The following TUBGCP4 variants were observed in gnomAD, a reference collection of about 807,000 sequenced individuals.
TUBGCP4 encodes gamma-tubulin complex component 4.
Under a neutral mutation model 91.6 loss-of-function variants are expected in TUBGCP4, and 54 were observed. The observed-to-expected ratio is 0.59, with a 90% CI of 0.47 to 0.74. The LOEUF is 0.74. Among genes scored for constraint, TUBGCP4 ranks in the 30% least tolerant of loss-of-function variants. TUBGCP4 has a pLI of 0.00. For synonymous variants in TUBGCP4, 297 were observed against 302.8 expected (o/e 0.98, Z 0.20); for missense variants, 593 against 800.9 (o/e 0.74, Z 3.13).
chr15:43,394,849 C>T (rs2044555060), intron 9 of TUBGCP4: 1 of 467,968 alleles, frequency 2.1e-6, no homozygotes, highest in South Asian at 2.5e-5. Context: ...AGAAGCCAAG[C>T]TGAAGCCACC....
chr15:43,386,656 C>T lies in TUBGCP4; in HGVS notation c.1014+326C>T, dbSNP rs10459587. On this transcript the variant is annotated intron_variant, in intron 9 of 17. Coordinates refer to ENST00000564079, the MANE Select transcript of TUBGCP4 (RefSeq NM_014444.5). ...AGGAGAATCGCTTGAACCCGGGAGG[C>T]GGAGGTTGCAGTCAGCCGAGATCAC... is the stretch of plus-strand genomic sequence containing the variant. Among the ~76,000 whole-genome samples the T allele has an allele frequency of 3.3e-3, 413 of 125,850 alleles. 13 individuals carry two copies. In the East Asian group the frequency reaches 0.094, roughly 29 times the overall value. 82.6% of individuals were successfully genotyped at this position (125,850 alleles called of 152,430 possible). A position where few individuals can be genotyped will look rare whatever the true frequency, so the allele number is the denominator to read the frequency against.
At position 43,395,597 on chromosome 15, in the gene TUBGCP4, T is replaced by C. The variant is rs758690816; in HGVS notation, c.1080T>C (p.Phe360=). ...TCTTTCCTCAGATCATTAAAGACTT[T>C]TACCTTCTGGGACGTGGAGAACTGT... ...LLGQLKIIKD[F]YLLGRGELFQ... Residue 360 remains phenylalanine, a synonymous_variant, in exon 11 of 18, where the codon TTT becomes TTC. Transcript: ENST00000564079. The C allele has an allele frequency of 6.2e-7, 1 of 1,613,990 alleles. No homozygotes were observed. The highest frequency in any genetic ancestry group is 8.5e-7 in the Non-Finnish European group (1 of 1,179,872).
intron 8 of TUBGCP4, 28 bp from the exon 9 acceptor site, chr15:43,386,178 C>T (rs200038712): frequency 2.5e-6 from 4 of 1,595,036 alleles, no homozygotes; most frequent in Admixed American, 1.8e-5. Flanking sequence ...TCTCCGTCCT[C>T]CTTTGACGGT....
chr15:43,383,491 A>C lies in TUBGCP4; in HGVS notation c.710A>C (p.Glu237Ala), dbSNP rs1325446556. The C allele has an allele frequency of 6.2e-7, 1 of 1,608,706 alleles. No homozygotes were observed. Among genetic ancestry groups the C allele is most frequent in the Non-Finnish European group, 8.5e-7 (1 of 1,177,462 alleles). The stretch of plus-strand genomic sequence containing the variant: ...GGACTGACAGGAAAACAACTGAGAG[A>C]ACTGCAGGACTTGGTGAGAGCCCAA... ...IGGLTGKQLR[E>A]LQDLRLIEEE... Residue 237 changes from glutamate to alanine, a missense_variant, in exon 7 of 18, where the codon GAA becomes GCA. Physicochemically the swap from Glu to Ala is moderately radical, Grantham distance 107. Transcript: ENST00000564079.
rs190302026 is a variant in TUBGCP4 at position 43,405,023 on chromosome 15, T to C, written c.1989-179T>C. 359 of 647,392 alleles carry C rather than the reference T, an allele frequency of 5.5e-4. 1 individual carries two copies. Among genetic ancestry groups the C allele is most frequent in the Non-Finnish European group, 8.0e-4 (305 of 380,232 alleles). The allele number at this position is 647,392 out of a possible 1,614,324, so 40.1% of individuals were successfully genotyped here. On this transcript the variant is annotated intron_variant, in intron 17 of 17. Transcript: ENST00000564079. ...ATTCAGAAAATCACTTCATTGTCCT[T>C]TCTCTCTAAAATGTCTGCAAGCAGA... is the stretch of plus-strand genomic sequence containing the variant.
chr15:43,405,494 T>C lies in TUBGCP4; in HGVS notation c.*280T>C, dbSNP rs987480724. 24 of 516,896 alleles carry C rather than the reference T, an allele frequency of 4.6e-5. No individual in the cohort carries two copies. The highest frequency in any genetic ancestry group is 8.0e-5 in the Non-Finnish European group (23 of 289,044). 32.0% of individuals were successfully genotyped at this position (516,896 alleles called of 1,614,324 possible). ...TGTTCATTTATTCAATAGTCATTTATTGAGCACCTACTACGTACCTTGGTA... is the reference window on the plus strand; with the variant it reads ...TGTTCATTTATTCAATAGTCATTTACTGAGCACCTACTACGTACCTTGGTA... On this transcript the variant is annotated 3_prime_UTR_variant, in exon 18 of 18. Transcript: ENST00000564079.
At chr15:43,380,849 G>A (rs1364324279) in intron 6 of TUBGCP4, among the ~76,000 whole-genome samples, 1 of 152,146 alleles carries the variant, frequency 6.6e-6, no homozygotes, top group Non-Finnish European at 1.5e-5. Flanking sequence ...ATCAAAGACT[G>A]CCTGTTTGAG....
intron 16 of TUBGCP4, chr15:43,404,199 A>G (rs1205405686): frequency 1.2e-5 from 7 of 569,468 alleles, no homozygotes; most frequent in Admixed American, 3.1e-5. Flanking sequence ...CTAAATTCCT[A>G]CTGATGAAAG....
chr15:43,409,515 G>T lies in TUBGCP4; in HGVS notation c.*4301G>T. The T allele has an allele frequency of 1.9e-6, 1 of 524,628 alleles. No homozygotes were observed. Among genetic ancestry groups the T allele is most frequent in the Non-Finnish European group, 3.3e-6 (1 of 299,500 alleles). 32.5% of individuals were successfully genotyped at this position (524,628 alleles called of 1,614,324 possible). On this transcript the variant is annotated 3_prime_UTR_variant, in exon 18 of 18. Coordinates refer to ENST00000564079, the MANE Select transcript of TUBGCP4 (RefSeq NM_014444.5). The stretch of plus-strand genomic sequence containing the variant: ...ATTCTATTTCATGCAAAAACATTTT[G>T]GCAGTTTCTCAGTTCCTGAAATCTC...
At chr15:43,375,163 G>A (rs1336693391) in intron 1 of TUBGCP4, among the ~76,000 whole-genome samples, 8 of 152,188 alleles carry the variant, frequency 5.3e-5, no homozygotes, top group East Asian at 1.9e-4. Flanking sequence ...TCGGCCTCCC[G>A]AAATGCTGGG....
Position 43,405,284 on chromosome 15 carries a change from C to T in TUBGCP4, c.*70C>T. The T allele has an allele frequency of 6.5e-7, 1 of 1,537,920 alleles. No homozygotes were observed. The highest frequency in any genetic ancestry group is 1.1e-5 in the South Asian group (1 of 89,190). ...TTGTAACAGAAGATTCAAAACATCC[C>T]ATTCTAGCCACACACAAATAAATAT... On this transcript the variant is annotated 3_prime_UTR_variant, in exon 18 of 18. Coordinates refer to ENST00000564079, the MANE Select transcript of TUBGCP4 (RefSeq NM_014444.5).
chr15:43,397,183 T>A (rs774275389), intron 11 of TUBGCP4, 31 bp from the exon 12 acceptor site: 1 of 1,561,204 alleles, frequency 6.4e-7, no homozygotes, highest in Non-Finnish European at 8.8e-7. Flanking sequence ...TAGCCAAGCG[T>A]CCCTGTCAGC....
chr15:43,373,810 G>A (rs1028239089), intron 1 of TUBGCP4, among the ~76,000 whole-genome samples: 10 of 152,068 alleles, frequency 6.6e-5, no homozygotes, highest in Middle Eastern at 3.2e-3. Context: ...CGCCACACCC[G>A]GCTAATTTTT....
intron 6 of TUBGCP4, among the ~76,000 whole-genome samples, chr15:43,382,983 ATTATTT>A (rs939459377): frequency 2.0e-5 from 3 of 152,148 alleles, no homozygotes; most frequent in Non-Finnish European, 4.4e-5. Context: ...AAAATTTTTT[ATTATTT>A]TTATTTTTTA....
At chr15:43,402,830 AC>A (rs1328995329) in intron 15 of TUBGCP4, 2 of 152,258 alleles carry the variant, frequency 1.3e-5, no homozygotes, top group Non-Finnish European at 2.9e-5. Flanking sequence ...GCCTCCTCTG[AC>A]ATGAGCTGGT....
intron 14 of TUBGCP4, 65 bp from the exon 15 acceptor site, chr15:43,401,651 G>A (rs2044683396): frequency 1.3e-6 from 2 of 1,526,178 alleles, no homozygotes; most frequent in Admixed American, 1.8e-5. Flanking sequence ...AATCTGTCAG[G>A]CATCTTAATG....
chr15:43,386,300 G>A lies in TUBGCP4; in HGVS notation c.984G>A (p.Val328=), dbSNP rs1202580179. Reference sequence around the variant, plus strand: ...TCAGCTTGGTGGACTTTGAACAGGTGGTGGATCGCATTCGCAGCACTGTGG... The same window carrying A: ...TCAGCTTGGTGGACTTTGAACAGGTAGTGGATCGCATTCGCAGCACTGTGG... ...PLFSLVDFEQ[V]VDRIRSTVAE... Residue 328 remains valine (V), a synonymous_variant, in exon 9 of 18, where the codon GTG becomes GTA. Transcript: ENST00000564079. 3.8e-6 allele frequency: 6 copies of A among 1,570,956 alleles called. No homozygotes were observed. Among genetic ancestry groups the A allele is most frequent in the Non-Finnish European group, 5.2e-6 (6 of 1,161,162 alleles).
chr15:43,400,930 A>C (rs559840669), intron 14 of TUBGCP4, among the ~76,000 whole-genome samples: 1 of 151,428 alleles, frequency 6.6e-6, no homozygotes, highest in African/African-American at 2.4e-5. Flanking sequence ...AAAAAAAAAA[A>C]CTCCAGGCTT....
rs1376686745 is a variant in TUBGCP4 at position 43,401,801 on chromosome 15, A to T, written c.1682A>T (p.Asp561Val). ...RDFESIRLAH[D>V]HFLSNLLAQS... The stretch of plus-strand genomic sequence containing the variant: ...TTTGAAAGCATCCGATTGGCTCATG[A>T]CCACTTCCTGAGCAATTTGCTGGCT... The change falls in exon 15 of 18, where the codon GAC becomes GTC. Residue 561 changes from aspartate (D) to valine (V), a missense_variant. Transcript: ENST00000564079. 6.2e-7 allele frequency: 1 copy of T among 1,614,144 alleles called. No individual in the cohort carries two copies.
Sources: gnomAD v4.1 joint callset for allele counts (sites outside exome capture counted in the v4.1 genomes callset) on GRCh38, gnomAD v4.1.1 for gene constraint, MANE v1.5 for transcripts, NCBI Gene and HGNC (gene_info 2026-07-23, HGNC 2026-07-21) for gene names.